Variants in ERVFRD-1 observed in about 807,000 individuals in gnomAD.
ERVFRD-1 encodes syncytin-2.
ERVFRD-1 carries 33 observed loss-of-function variants against 43.8 expected under a neutral mutation model. The ratio of observed to expected loss-of-function variants is 0.75; its 90% confidence interval spans 0.57 to 1.01. ERVFRD-1 has a LOEUF of 1.01. Among genes scored for constraint, ERVFRD-1 ranks in the 50% least tolerant of loss-of-function variants. The pLI is 0.00. For missense variants in ERVFRD-1, 568 were observed against 658.4 expected (o/e 0.86, Z 1.50); for synonymous variants, 239 against 244.4 (o/e 0.98, Z 0.21).
chr6:11,105,057 A>G lies in ERVFRD-1; in HGVS notation c.254T>C (p.Leu85Pro), dbSNP rs1758064309. ...AAGAAGACTATTTGCAGGCCTCATCAGTCCTTTCAGATTAGGGTCCCATCG... is the reference window on the plus strand; with the variant it reads ...AAGAAGACTATTTGCAGGCCTCATCGGTCCTTTCAGATTAGGGTCCCATCG... The part of the protein sequence containing the change: ...SYRWDPNLKG[L>P]MRPANSLLST... Residue 85 changes from leucine (L) to proline (P), a missense_variant, in exon 2 of 2, where the codon CTG (leucine) becomes CCG (proline). Physicochemically the swap from Leu to Pro is moderately conservative, Grantham distance 98. Coordinates refer to ENST00000472091, the MANE Select transcript of ERVFRD-1 (RefSeq NM_207582.3). 2 of 1,614,084 alleles carry G rather than the reference A, an allele frequency of 1.2e-6. No individual in the cohort carries two copies. Among genetic ancestry groups the G allele is most frequent in the Non-Finnish European group, 1.7e-6 (2 of 1,180,034 alleles).
intron 1 of ERVFRD-1, among the ~76,000 whole-genome samples, chr6:11,106,585 C>T (rs1192342920): frequency 6.6e-6 from 1 of 152,202 alleles, no homozygotes; most frequent in African/African-American, 2.4e-5. Context: ...CCTATATCAT[C>T]CATTGGTTTC....
At position 11,105,556 on chromosome 6, in the gene ERVFRD-1, C is replaced by T; in HGVS notation, c.-246G>A. On this transcript the variant is annotated 5_prime_UTR_variant, in exon 2 of 2. Transcript: ENST00000472091. ...GGAGCTGAGGTTGCTGGTTCTGGCT[C>T]TGGAGTTTAAGGGCTTTTCCACAGC... 2.2e-6 allele frequency: 1 copy of T among 456,162 alleles called. No homozygotes were observed. The highest frequency in any genetic ancestry group is 4.1e-6 in the Non-Finnish European group (1 of 245,846). The allele number at this position is 456,162 out of a possible 1,614,324, so 28.3% of individuals were successfully genotyped here. A position where few individuals can be genotyped will look rare whatever the true frequency, so the allele number is the denominator to read the frequency against.
rs1339821292 is a variant in ERVFRD-1, at chr6:11,104,020, A to G, written c.1291T>C (p.Cys431Arg). Residue 431 changes from cysteine to arginine, a missense_variant, in exon 2 of 2, where the codon TGT becomes CGT. Cys to Arg is a radical substitution (Grantham distance 180). Coordinates refer to ENST00000472091, the MANE Select transcript of ERVFRD-1 (RefSeq NM_207582.3). ...CAACATTTTTCATCTAAGGCCAAACAAATTCCTCCCTGTGCTGCCGTTAAC... is the reference window on the plus strand; with the variant it reads ...CAACATTTTTCATCTAAGGCCAAACGAATTCCTCCCTGTGCTGCCGTTAAC... ...DMLTAAQGGI[C>R]LALDEKCCFW... 1 of 1,551,714 alleles carries G rather than the reference A, an allele frequency of 6.4e-7. No individual in the cohort carries two copies. Among genetic ancestry groups the G allele is most frequent in the Non-Finnish European group, 8.7e-7 (1 of 1,146,994 alleles).
chr6:11,103,746 G>C lies in ERVFRD-1; in HGVS notation c.1565C>G (p.Thr522Arg), dbSNP rs138651238. Residue 522 changes from threonine to arginine, a missense_variant, in exon 2 of 2, where the codon ACG (threonine) becomes AGG (arginine). Transcript: ENST00000472091. ...SSRLQAIKLQ[T>R]NLSAGRHPRN... is the part of the protein sequence containing the mutation. ...AGGATGGCGTCCTGCACTGAGATTC[G>C]TCTGGAGCTTTATGGCCTGAAGGCG... is the stretch of plus-strand genomic sequence containing the variant. 6.4e-7 allele frequency: 1 copy of C among 1,551,550 alleles called. No individual in the cohort carries two copies. The highest frequency in any genetic ancestry group is 8.7e-7 in the Non-Finnish European group (1 of 1,146,982).
chr6:11,108,119 A>G lies in ERVFRD-1; in HGVS notation c.-320-2489T>C, dbSNP rs558264320. ...AGCAAAATATCTCTACCCAAAAGGTATGTAGGGTATTCTGGCATCACTAAA... is the reference window on the plus strand; with the variant it reads ...AGCAAAATATCTCTACCCAAAAGGTGTGTAGGGTATTCTGGCATCACTAAA... On this transcript the variant is annotated intron_variant, in intron 1 of 1. Transcript: ENST00000472091. Among the ~76,000 whole-genome samples, 4 of 152,348 alleles carry G rather than the reference A, an allele frequency of 2.6e-5. No individual in the cohort carries two copies. In the South Asian group the frequency reaches 8.3e-4, roughly 32 times the overall value.
Position 11,103,463 on chromosome 6 carries a change from A to C in ERVFRD-1, c.*231T>G. 1.8e-6 allele frequency: 1 copy of C among 559,098 alleles called. No individual in the cohort carries two copies. Among genetic ancestry groups the C allele is most frequent in the Non-Finnish European group, 2.9e-6 (1 of 344,166 alleles). 34.6% of individuals were successfully genotyped at this position (559,098 alleles called of 1,614,324 possible). A position where few individuals can be genotyped will look rare whatever the true frequency, so the allele number is the denominator to read the frequency against. On this transcript the variant is annotated 3_prime_UTR_variant, in exon 2 of 2. Coordinates refer to ENST00000472091, the MANE Select transcript of ERVFRD-1 (RefSeq NM_207582.3). ...CCTGCTCCAACATTTCCCCCCCTCA[A>C]GAGTCCAAGACCCAATTATCTGGGA...
At chr6:11,106,572 C>A (rs1758086699) in intron 1 of ERVFRD-1, among the ~76,000 whole-genome samples, 1 of 152,198 alleles carries the variant, frequency 6.6e-6, no homozygotes, top group Admixed American at 6.5e-5. Context: ...GAAGTTCTCC[C>A]AACCTATATC....
At chr6:11,108,506 G>A (rs981785502) in intron 1 of ERVFRD-1, among the ~76,000 whole-genome samples, 1 of 152,150 alleles carries the variant, frequency 6.6e-6, no homozygotes, top group African/African-American at 2.4e-5. Context: ...GAGAGCTGGG[G>A]GTGGGTGTCC....
intron 1 of ERVFRD-1, among the ~76,000 whole-genome samples, chr6:11,107,693 G>A (rs1006653035): frequency 6.6e-6 from 1 of 152,176 alleles, no homozygotes; most frequent in African/African-American, 2.4e-5. Flanking sequence ...ATATGAGTTG[G>A]GGATCATTGG....
chr6:11,111,515 G>A (rs72825125), intron 1 of ERVFRD-1, among the ~76,000 whole-genome samples, 162 bp downstream of exon 1: 3,081 of 152,282 alleles, frequency 0.02, 47 homozygotes, highest in South Asian at 0.049. Flanking sequence ...GCCATCCTTC[G>A]GGGTGAGCAG....
At chr6:11,107,094 C>G (rs1477350251) in intron 1 of ERVFRD-1, among the ~76,000 whole-genome samples, 1 of 152,182 alleles carries the variant, frequency 6.6e-6, no homozygotes, top group Non-Finnish European at 1.5e-5. Context: ...AGCTCTATCC[C>G]TGACAAAGCT....
At chr6:11,107,886 A>G (rs557589487) in intron 1 of ERVFRD-1, among the ~76,000 whole-genome samples, 178 of 152,338 alleles carry the variant, frequency 1.2e-3, no homozygotes, top group African/African-American at 3.9e-3. Flanking sequence ...ACTGCCTTCT[A>G]CAAGGATAGC....
chr6:11,106,809 G>A (rs891187037), intron 1 of ERVFRD-1, among the ~76,000 whole-genome samples: 47 of 152,136 alleles, frequency 3.1e-4, no homozygotes, highest in Non-Finnish European at 6.8e-4. Flanking sequence ...TCACCTCCTG[G>A]GGCAAATGAA....
Position 11,106,383 on chromosome 6 carries a change from C to T in ERVFRD-1, c.-320-753G>A, listed in dbSNP as rs74887965. On this transcript the variant is annotated intron_variant, in intron 1 of 1. Transcript: ENST00000472091. ...GACTTACTGATGGAGAGGGCTTCCCCGTCTGGGGATTATTTATAGTGCACA... is the reference window on the plus strand; with the variant it reads ...GACTTACTGATGGAGAGGGCTTCCCTGTCTGGGGATTATTTATAGTGCACA... Among the ~76,000 whole-genome samples, 23 of 152,330 alleles carry T rather than the reference C, an allele frequency of 1.5e-4. No individual in the cohort carries two copies. In the East Asian group the frequency reaches 3.5e-3, roughly 23 times the overall value.
At chr6:11,110,318 A>G (rs973992874) in intron 1 of ERVFRD-1, among the ~76,000 whole-genome samples, 1 of 152,138 alleles carries the variant, frequency 6.6e-6, no homozygotes, top group African/African-American at 2.4e-5. Flanking sequence ...TCTCTGTTCT[A>G]TGGGTACTTT....
Position 11,104,291 on chromosome 6 carries a change from A to G in ERVFRD-1, c.1020T>C (p.Tyr340=). 3.2e-6 allele frequency: 5 copies of G among 1,551,734 alleles called. No individual in the cohort carries two copies. Among genetic ancestry groups the G allele is most frequent in the Non-Finnish European group, 4.4e-6 (5 of 1,146,986 alleles). Residue 340 remains tyrosine, a synonymous_variant, in exon 2 of 2, where the codon TAT becomes TAC. Transcript: ENST00000472091. The part of the protein sequence containing the change: ...PGNLSLPIPI[Y]GNSPLPRVRR... The stretch of plus-strand genomic sequence containing the variant: ...TCACCCTGGGCAACGGGGAATTCCC[A>G]TAGATTGGTATTGGAAGAGAGAGAT...
chr6:11,103,755 T>C lies in ERVFRD-1; in HGVS notation c.1556A>G (p.Lys519Arg). ...TCCTGCACTGAGATTCGTCTGGAGCTTTATGGCCTGAAGGCGAGAGGAGAC... is the reference window on the plus strand; with the variant it reads ...TCCTGCACTGAGATTCGTCTGGAGCCTTATGGCCTGAAGGCGAGAGGAGAC... ...QFVSSRLQAIKLQTNLSAGRH... is the reference protein window; with the variant it reads ...QFVSSRLQAIRLQTNLSAGRH... The change falls in exon 2 of 2, where the codon AAG becomes AGG. Residue 519 changes from lysine to arginine, a missense_variant. Physicochemically the swap from Lys to Arg is conservative, Grantham distance 26. Coordinates refer to ENST00000472091, the MANE Select transcript of ERVFRD-1 (RefSeq NM_207582.3). The C allele has an allele frequency of 6.4e-7, 1 of 1,551,628 alleles. No homozygotes were observed. The highest frequency in any genetic ancestry group is 8.7e-7 in the Non-Finnish European group (1 of 1,146,972).
intron 1 of ERVFRD-1, among the ~76,000 whole-genome samples, chr6:11,108,744 TA>T (rs1200241531): frequency 6.6e-6 from 1 of 152,216 alleles, no homozygotes; most frequent in Non-Finnish European, 1.5e-5. Flanking sequence ...ATGTCAGGCA[TA>T]GGGGTACTGG....
rs921183502 is a variant in ERVFRD-1, at chr6:11,104,294, G to A, written c.1017C>T (p.Ile339=). The A allele has an allele frequency of 6.4e-7, 1 of 1,551,616 alleles. No individual in the cohort carries two copies. The highest frequency in any genetic ancestry group is 1.4e-5 in the African/African-American group (1 of 73,046). Reference sequence around the variant, plus strand: ...CCCTGGGCAACGGGGAATTCCCATAGATTGGTATTGGAAGAGAGAGATTGC... The same window carrying A: ...CCCTGGGCAACGGGGAATTCCCATAAATTGGTATTGGAAGAGAGAGATTGC... ...APGNLSLPIP[I]YGNSPLPRVR... The change falls in exon 2 of 2, where the codon ATC becomes ATT. Residue 339 remains isoleucine (I), a synonymous_variant. Coordinates refer to ENST00000472091, the MANE Select transcript of ERVFRD-1 (RefSeq NM_207582.3).
Sources: gnomAD v4.1 joint callset for allele counts (sites outside exome capture counted in the v4.1 genomes callset) on GRCh38, gnomAD v4.1.1 for gene constraint, MANE v1.5 for transcripts, NCBI Gene and HGNC (gene_info 2026-07-23, HGNC 2026-07-21) for gene names.